Variants in CWF19L2 observed in about 807,000 individuals in gnomAD.
CWF19L2 encodes CWF19-like protein 2.
Under a neutral mutation model 111.7 loss-of-function variants are expected in CWF19L2, and 98 were observed. That is an observed-to-expected ratio of 0.88 (90% CI 0.75 to 1.04). The LOEUF is 1.04. CWF19L2 is among the 50% of genes least tolerant of loss of function. The pLI, the probability that CWF19L2 is intolerant of heterozygous loss-of-function variation, is 0.00. For synonymous variants in CWF19L2, 351 were observed against 342.9 expected (o/e 1.02, Z -0.26); for missense variants, 1,101 against 1,051.4 (o/e 1.05, Z -0.65).
chr11:107,341,627 T>C (rs1334985575), intron 14 of CWF19L2, among the ~76,000 whole-genome samples: 2 of 152,170 alleles, frequency 1.3e-5, no homozygotes, highest in African/African-American at 2.4e-5. Context: ...TATGAATGAA[T>C]TGGAAAGTGT....
At chr11:107,373,340 A>G (rs1860543769) in intron 12 of CWF19L2, among the ~76,000 whole-genome samples, 1 of 130,912 alleles carries the variant, frequency 7.6e-6, no homozygotes, top group African/African-American at 3.2e-5. Context: ...ACAAAAAGAC[A>G]GCAGTAACCT....
rs1013096517 is a variant in CWF19L2, at chr11:107,369,668, T to C, written c.1873-15932A>G. Reference sequence around the variant, plus strand: ...GAAGAAAGTAAGGACACTGATTCCATACATTTTCAAAATTACTTTAAGATT... The same window carrying C: ...GAAGAAAGTAAGGACACTGATTCCACACATTTTCAAAATTACTTTAAGATT... On this transcript the variant is annotated intron_variant, in intron 12 of 17. Transcript: ENST00000282251. Among the ~76,000 whole-genome samples the C allele has an allele frequency of 2.2e-5, 3 of 138,248 alleles. 1 individual carries two copies. The highest frequency in any genetic ancestry group is 4.7e-5 in the Non-Finnish European group (3 of 64,272). The allele number at this position is 138,248 out of a possible 152,430, so 90.7% of individuals were successfully genotyped here.
chr11:107,378,335 C>T (rs375131561), intron 12 of CWF19L2, among the ~76,000 whole-genome samples: 34,490 of 148,988 alleles, frequency 0.23, 3,962 homozygotes, highest in Non-Finnish European at 0.28. Context: ...TATTGCGGCA[C>T]TATTCACAAT....
intron 8 of CWF19L2, among the ~76,000 whole-genome samples, chr11:107,428,456 T>C (rs552948522): frequency 6.6e-6 from 1 of 152,244 alleles, no homozygotes; most frequent in Non-Finnish European, 1.5e-5. Flanking sequence ...AATAAGATAA[T>C]TTCCTTAGAA....
At chr11:107,387,906 C>T (rs1472344131) in intron 12 of CWF19L2, among the ~76,000 whole-genome samples, 6 of 152,132 alleles carry the variant, frequency 3.9e-5, no homozygotes, top group Non-Finnish European at 5.9e-5. Context: ...CCCTGCCTTA[C>T]GTAATCTGAC....
Position 107,455,720 on chromosome 11 carries a change from AC to A in CWF19L2, c.161del (p.Gly54ValfsTer10), listed in dbSNP as rs1203530637. The part of the protein sequence containing the change: ...ERRKELKRLR[G>X]EDTWMLPDVN... ...CATCAGGTAGCATCCATGTATCCTC[AC>A]CCCGAAGTCGCTTAAGTTCTTTACG... On this transcript the variant is annotated frameshift_variant, in exon 2 of 18. Coordinates refer to ENST00000282251, the MANE Select transcript of CWF19L2 (RefSeq NM_152434.3). LOFTEE classifies it high-confidence loss of function. 6.4e-7 allele frequency: 1 copy of A among 1,551,042 alleles called. No homozygotes were observed. Among genetic ancestry groups the A allele is most frequent in the Non-Finnish European group, 8.7e-7 (1 of 1,146,784 alleles).
At chr11:107,394,085 A>C (rs576725983) in intron 10 of CWF19L2, among the ~76,000 whole-genome samples, 1 of 152,312 alleles carries the variant, frequency 6.6e-6, no homozygotes, top group Non-Finnish European at 1.5e-5. Context: ...CATTTGAAAC[A>C]AGACCAAGCA....
In CWF19L2 at chr11:107,457,748, T is replaced by C. The variant is rs559259019; in HGVS notation, c.69A>G (p.Glu23=). 6.4e-7 allele frequency: 1 copy of C among 1,551,730 alleles called. No individual in the cohort carries two copies. Among genetic ancestry groups the C allele is most frequent in the Non-Finnish European group, 8.7e-7 (1 of 1,146,966 alleles). The change falls in exon 1 of 18, where the codon GAA becomes GAG. Residue 23 remains glutamate (E), a synonymous_variant. Transcript: ENST00000282251. ...CCTCGGCCCTGGCATTCCGGGTCTGTTCTTTCCGCTCTTCGATACTCTTCG... is the reference window on the plus strand; with the variant it reads ...CCTCGGCCCTGGCATTCCGGGTCTGCTCTTTCCGCTCTTCGATACTCTTCG... ...ESAKSIEERK[E]QTRNARAEVL... is the part of the protein sequence containing the mutation.
At chr11:107,363,270 C>T (rs1346115797) in intron 12 of CWF19L2, among the ~76,000 whole-genome samples, 1 of 152,124 alleles carries the variant, frequency 6.6e-6, no homozygotes, top group African/African-American at 2.4e-5. Context: ...TCCAGGAGAA[C>T]TTCCCCAATC....
intron 10 of CWF19L2, among the ~76,000 whole-genome samples, chr11:107,397,007 C>T (rs577871867): frequency 1.3e-5 from 2 of 152,154 alleles, no homozygotes; most frequent in Non-Finnish European, 2.9e-5. Flanking sequence ...AGCAGAAAGG[C>T]CCTGGGATCT....
chr11:107,454,471 ATTGT>A lies in CWF19L2; in HGVS notation c.314_317del (p.Asn105MetfsTer31). 2.8e-6 allele frequency: 4 copies of A among 1,447,138 alleles called. No homozygotes were observed. The highest frequency in any genetic ancestry group is 3.6e-6 in the Non-Finnish European group (4 of 1,103,788). The allele number at this position is 1,447,138 out of a possible 1,614,324, so 89.6% of individuals were successfully genotyped here. ...TTACTGATGAGCTATCAGATGACTC[ATTGT>A]TTTTTTCATATTTCTGTTTCTTGCT... On this transcript the variant is annotated frameshift_variant, in exon 3 of 18. Transcript: ENST00000282251. LOFTEE classifies it high-confidence loss of function.
At chr11:107,373,835 A>G (rs1860553770) in intron 12 of CWF19L2, among the ~76,000 whole-genome samples, 1 of 133,340 alleles carries the variant, frequency 7.5e-6, no homozygotes, top group East Asian at 2.2e-4. Flanking sequence ...CTACGGGAGG[A>G]CACTCGAACC....
rs1413473059 is a variant in CWF19L2, at chr11:107,364,382, A to G, written c.1873-10646T>C. 1.2e-4 allele frequency among the ~76,000 whole-genome samples: 18 copies of G among 148,568 alleles called. 1 individual carries two copies. Among genetic ancestry groups the G allele is most frequent in the South Asian group, 4.3e-4 (2 of 4,666 alleles). ...CAACAGAATATACATTTTTTTCAGCACCACACCACATCTATTCCAAAATTG... is the reference window on the plus strand; with the variant it reads ...CAACAGAATATACATTTTTTTCAGCGCCACACCACATCTATTCCAAAATTG... On this transcript the variant is annotated intron_variant, in intron 12 of 17. Transcript: ENST00000282251.
chr11:107,390,920 G>A (rs578181852), intron 11 of CWF19L2, among the ~76,000 whole-genome samples: 1 of 152,184 alleles, frequency 6.6e-6, no homozygotes, highest in African/African-American at 2.4e-5. Context: ...AGCTGCCAGC[G>A]AGTCAGAGAT....
At chr11:107,413,537 A>G (rs1194607838) in intron 10 of CWF19L2, among the ~76,000 whole-genome samples, 1 of 152,164 alleles carries the variant, frequency 6.6e-6, no homozygotes, top group Non-Finnish European at 1.5e-5. Context: ...GCACTAATAA[A>G]CCACTTCAAG....
intron 10 of CWF19L2, among the ~76,000 whole-genome samples, chr11:107,412,079 C>A (rs1236059149): frequency 2.0e-5 from 3 of 152,074 alleles, no homozygotes; most frequent in African/African-American, 7.2e-5. Flanking sequence ...TTTCAACCAA[C>A]CAAATCAAAG....
At position 107,433,682 on chromosome 11, in the gene CWF19L2, A is replaced by G. The variant is rs367938613; in HGVS notation, c.732T>C (p.Ala244=). ...RKSYLRMKEQ[A]EKQSRNFEDI... ...CCTCAAAGTTTCTACTTTGTTTCTC[A>G]GCTTGTTCCTTCATTCTTAGATAAG... is the stretch of plus-strand genomic sequence containing the variant. Residue 244 remains alanine (A), a synonymous_variant, in exon 7 of 18, where the codon GCT becomes GCC. Coordinates refer to ENST00000282251, the MANE Select transcript of CWF19L2 (RefSeq NM_152434.3). The G allele has an allele frequency of 5.6e-5, 89 of 1,593,094 alleles. No individual in the cohort carries two copies. Among genetic ancestry groups the G allele is most frequent in the Non-Finnish European group, 7.4e-5 (87 of 1,169,152 alleles).
intron 6 of CWF19L2, among the ~76,000 whole-genome samples, chr11:107,434,700 C>T (rs1164404477): frequency 7.1e-6 from 1 of 141,108 alleles, no homozygotes; most frequent in African/African-American, 2.6e-5. Flanking sequence ...GAAAAAACTA[C>T]AACTATATAC....
intron 10 of CWF19L2, among the ~76,000 whole-genome samples, chr11:107,401,256 G>A (rs1038608595): frequency 2.0e-5 from 3 of 152,070 alleles, no homozygotes; most frequent in Non-Finnish European, 4.4e-5. Context: ...CATCCAAATT[G>A]GTAAAGAGGA....
Sources: gnomAD v4.1 joint callset for allele counts (sites outside exome capture counted in the v4.1 genomes callset) on GRCh38, gnomAD v4.1.1 for gene constraint, MANE v1.5 for transcripts, NCBI Gene and HGNC (gene_info 2026-07-23, HGNC 2026-07-21) for gene names.